SAMD12: variants seen among roughly 807,000 people sequenced by gnomAD.
The protein encoded by SAMD12 is sterile alpha motif domain containing 12.
Under a neutral mutation model 15.0 loss-of-function variants are expected in SAMD12, and 9 were observed. That is an observed-to-expected ratio of 0.60 (90% CI 0.36 to 1.05). SAMD12 has a LOEUF of 1.05. SAMD12 is among the 50% of genes least tolerant of loss of function. The pLI is 0.01. For missense variants in SAMD12, 230 were observed against 234.2 expected (o/e 0.98, Z 0.12); for synonymous variants, 86 against 90.1 (o/e 0.96, Z 0.25).
chr8:118,472,668 C>T (rs1347751207), intron 2 of SAMD12, among the ~76,000 whole-genome samples: 3 of 152,018 alleles, frequency 2.0e-5, no homozygotes, highest in African/African-American at 7.2e-5. Flanking sequence ...GAATGAGGCC[C>T]TTTCTATAAT....
downstream of SAMD12, among the ~76,000 whole-genome samples, chr8:118,187,761 G>A (rs1013720598): frequency 1.2e-4 from 19 of 152,078 alleles, no homozygotes; most frequent in Admixed American, 2.6e-4. Context: ...AAGCTTTCAC[G>A]TACCTCAGAA....
intron 3 of SAMD12, among the ~76,000 whole-genome samples, chr8:118,436,258 T>G (rs1287203902): frequency 6.6e-6 from 1 of 152,198 alleles, no homozygotes; most frequent in Non-Finnish European, 1.5e-5. Context: ...CCATTATATG[T>G]CAGTCATTAA....
intron 4 of SAMD12, among the ~76,000 whole-genome samples, chr8:118,351,294 C>T (rs991753909): frequency 2.6e-5 from 4 of 152,176 alleles, no homozygotes; most frequent in African/African-American, 9.7e-5. Flanking sequence ...CAGTGAGGGA[C>T]GTACCTCTCA....
intron 2 of SAMD12, among the ~76,000 whole-genome samples, chr8:118,459,750 C>T (rs866404786): frequency 2.0e-5 from 3 of 152,084 alleles, no homozygotes; most frequent in South Asian, 2.1e-4. Context: ...GGTTAGGTAC[C>T]GTTCTCTGTA....
chr8:118,372,832 C>G (rs961248475), intron 4 of SAMD12, among the ~76,000 whole-genome samples: 2 of 152,056 alleles, frequency 1.3e-5, no homozygotes, highest in African/African-American at 4.8e-5. Flanking sequence ...TAGTGGAATA[C>G]TCAGCAATGA....
chr8:118,519,006 G>A (rs1356747074), intron 2 of SAMD12, among the ~76,000 whole-genome samples: 3 of 152,212 alleles, frequency 2.0e-5, no homozygotes, highest in Non-Finnish European at 4.4e-5. Context: ...GATTTAAGAG[G>A]CAGGAGTCAT....
chr8:118,394,582 GT>G (rs1820453894), intron 3 of SAMD12, among the ~76,000 whole-genome samples: 1 of 152,226 alleles, frequency 6.6e-6, no homozygotes, highest in Non-Finnish European at 1.5e-5. Flanking sequence ...GAGCTTAAGA[GT>G]GACAGTCCCA....
chr8:118,437,646 G>C (rs1341055745), intron 3 of SAMD12, among the ~76,000 whole-genome samples: 2 of 152,114 alleles, frequency 1.3e-5, no homozygotes, highest in Non-Finnish European at 2.9e-5. Context: ...GCTTGCCCAA[G>C]ATCCCAAGAA....
At chr8:118,319,948 T>G (rs2130444371) in intron 4 of SAMD12, among the ~76,000 whole-genome samples, 1 of 152,298 alleles carries the variant, frequency 6.6e-6, no homozygotes, top group East Asian at 1.9e-4. Flanking sequence ...ATCAGCATAT[T>G]GGTGCACTTG....
chr8:118,421,336 C>G (rs1182791305), intron 3 of SAMD12, among the ~76,000 whole-genome samples: 1 of 152,096 alleles, frequency 6.6e-6, no homozygotes, highest in Non-Finnish European at 1.5e-5. Flanking sequence ...AATGAAACTG[C>G]CATTTTTGCT....
chr8:118,398,166 C>T (rs1259758212), intron 3 of SAMD12, among the ~76,000 whole-genome samples: 1 of 152,068 alleles, frequency 6.6e-6, no homozygotes, highest in African/African-American at 2.4e-5. Context: ...CTTTGGGAGG[C>T]CGGGCAGATC....
chr8:118,526,632 A>G (rs1483538053), intron 2 of SAMD12, among the ~76,000 whole-genome samples: 1 of 152,148 alleles, frequency 6.6e-6, no homozygotes, highest in Non-Finnish European at 1.5e-5. Flanking sequence ...GAGCACCAGA[A>G]GAGTGCTGTT....
intron 2 of SAMD12, among the ~76,000 whole-genome samples, chr8:118,450,480 C>T (rs1160579547): frequency 6.6e-6 from 1 of 152,108 alleles, no homozygotes; most frequent in East Asian, 1.9e-4. Context: ...GACACAAAGG[C>T]AGATGTATGC....
intron 4 of SAMD12, among the ~76,000 whole-genome samples, chr8:118,256,821 C>CACAA (rs1554618191): frequency 3.2e-4 from 47 of 148,340 alleles, no homozygotes; most frequent in African/African-American, 1.1e-3. Flanking sequence ...CACACACACA[C>CACAA]GCACACATTC....
the SAMD12 span, among the ~76,000 whole-genome samples, chr8:118,134,016 T>G: frequency 6.6e-6 from 1 of 152,376 alleles, no homozygotes; most frequent in East Asian, 1.9e-4. Context: ...GCTCTAATGT[T>G]ACAACAGCTG....
chr8:118,254,696 G>T (rs1320540080), intron 4 of SAMD12, among the ~76,000 whole-genome samples: 1 of 151,886 alleles, frequency 6.6e-6, no homozygotes, highest in Non-Finnish European at 1.5e-5. Flanking sequence ...ACACTCCGGG[G>T]CCCACTGCAC....
intron 3 of SAMD12, among the ~76,000 whole-genome samples, chr8:118,407,016 A>C (rs1296609101): frequency 6.6e-6 from 1 of 151,864 alleles, no homozygotes; most frequent in Non-Finnish European, 1.5e-5. Context: ...AACATGGCAA[A>C]ATCTCAGGAA....
intron 4 of SAMD12, among the ~76,000 whole-genome samples, chr8:118,229,123 G>C (rs1164223666): frequency 6.6e-6 from 1 of 152,078 alleles, no homozygotes; most frequent in Non-Finnish European, 1.5e-5. Context: ...ATGGACTTTA[G>C]GGACTTGAAG....
intron 2 of SAMD12, among the ~76,000 whole-genome samples, chr8:118,550,721 G>A (rs1038299492): frequency 4.6e-5 from 7 of 151,574 alleles, no homozygotes; most frequent in African/African-American, 1.7e-4. Context: ...CCAATTAAAA[G>A]ACACAGACTG....
Sources: allele counts gnomAD v4.1 joint callset (sites outside exome capture counted in the v4.1 genomes callset), GRCh38; gene constraint gnomAD v4.1.1; transcripts MANE v1.5; gene names NCBI Gene and HGNC (gene_info 2026-07-23, HGNC 2026-07-21).